Variants in PBX1 observed in about 807,000 individuals in gnomAD.
PBX1 encodes the protein pre-B-cell leukemia transcription factor 1.
A neutral mutation model predicts 53.4 loss-of-function variants in PBX1; 6 were observed. The ratio of observed to expected loss-of-function variants is 0.11; its 90% CI spans 0.06 to 0.22. The LOEUF (loss-of-function observed/expected upper bound fraction) is 0.22, where lower values mean the gene tolerates loss of function less well. Ranked by LOEUF, PBX1 falls within the 10% of genes least tolerant of loss-of-function variation. The pLI is 1.00. For synonymous variants in PBX1, 204 were observed against 212.3 expected (o/e 0.96, Z 0.34); for missense variants, 251 against 551.4 (o/e 0.46, Z 5.46).
At chr1:164,617,299 C>CA (rs1431282587) in intron 2 of PBX1, among the ~76,000 whole-genome samples, 1 of 152,204 alleles carries the variant, frequency 6.6e-6, no homozygotes, top group Non-Finnish European at 1.5e-5. Flanking sequence ...AGCTGCCTCA[C>CA]AAATGCATGT....
intron 2 of PBX1, among the ~76,000 whole-genome samples, chr1:164,783,122 G>A (rs114681448): frequency 0.012 from 1,791 of 152,296 alleles, 24 homozygotes; most frequent in South Asian, 0.037. Context: ...AGCTCTGCCA[G>A]GCCAGGAGGA....
At chr1:164,671,977 A>T (rs968907409) in intron 2 of PBX1, among the ~76,000 whole-genome samples, 3 of 151,768 alleles carry the variant, frequency 2.0e-5, no homozygotes, top group Admixed American at 2.0e-4. Context: ...CTTCATTATT[A>T]ATTTGTTTCT....
chr1:164,626,812 G>C (rs1658079099), intron 2 of PBX1, among the ~76,000 whole-genome samples: 1 of 152,078 alleles, frequency 6.6e-6, no homozygotes, highest in Admixed American at 6.6e-5. Context: ...CTCACTCCCT[G>C]CTCCCCATCA....
intron 2 of PBX1, among the ~76,000 whole-genome samples, chr1:164,615,389 TGATA>T (rs1335163799): frequency 2.0e-5 from 3 of 152,170 alleles, no homozygotes; most frequent in East Asian, 1.9e-4. Flanking sequence ...TTTCTAGCAC[TGATA>T]GATATAAAAG....
intron 2 of PBX1, among the ~76,000 whole-genome samples, chr1:164,790,018 G>A (rs767590435): frequency 6.6e-6 from 1 of 151,782 alleles, no homozygotes; most frequent in African/African-American, 2.4e-5. Flanking sequence ...TGTGGATAAG[G>A]CTATTAAAAT....
intron 2 of PBX1, among the ~76,000 whole-genome samples, chr1:164,655,306 T>C (rs1371090861): frequency 4.0e-5 from 6 of 151,778 alleles, no homozygotes; most frequent in Non-Finnish European, 5.9e-5. Flanking sequence ...AGAGACGGGG[T>C]TTCTCCATGG....
At chr1:164,769,308 C>CAGA (rs896320577) in intron 2 of PBX1, 7 of 152,126 alleles carry the variant, frequency 4.6e-5, no homozygotes, top group African/African-American at 1.4e-4. Flanking sequence ...CAAAGGTGAG[C>CAGA]AGAAGACACA....
intron 2 of PBX1, among the ~76,000 whole-genome samples, chr1:164,569,136 T>C (rs1016656947): frequency 6.6e-6 from 1 of 152,194 alleles, no homozygotes; most frequent in Non-Finnish European, 1.5e-5. Flanking sequence ...TATAAGACCA[T>C]AGAAAAGTTG....
At chr1:164,690,494 G>A (rs777264520) in intron 2 of PBX1, among the ~76,000 whole-genome samples, 12 of 152,142 alleles carry the variant, frequency 7.9e-5, no homozygotes, top group Admixed American at 2.0e-4. Flanking sequence ...CATTGTTCGG[G>A]CGCAGTGGCT....
chr1:164,606,133 A>G (rs2101814174), intron 2 of PBX1, among the ~76,000 whole-genome samples: 1 of 152,296 alleles, frequency 6.6e-6, no homozygotes. Flanking sequence ...TCATTATTCA[A>G]GAGTTGTAAT....
At chr1:164,764,072 A>C (rs985229306) in intron 2 of PBX1, among the ~76,000 whole-genome samples, 4 of 152,168 alleles carry the variant, frequency 2.6e-5, no homozygotes, top group Admixed American at 6.5e-5. Flanking sequence ...TTACTGTCAA[A>C]ACATTATTTC....
rs775668251 is a variant in PBX1 at position 164,821,639 on chromosome 1, G to GC, written c.1200+20dup. On this transcript the variant is annotated intron_variant, in intron 8 of 8. Coordinates refer to ENST00000420696, the MANE Select transcript of PBX1 (RefSeq NM_002585.4). ...GCAGGGCATCAGTGTAAGAAAACAA[G>GC]CCCCCCCACCCCCTGCTTTGTTTTT... 42 of 1,600,296 alleles carry GC rather than the reference G, an allele frequency of 2.6e-5. No homozygotes were observed. In the East Asian group the frequency reaches 3.1e-4, roughly 12 times the overall value.
At chr1:164,680,238 GA>G (rs1241368246) in intron 2 of PBX1, 2 of 152,138 alleles carry the variant, frequency 1.3e-5, no homozygotes. Context: ...TTATATTCTA[GA>G]GGTTTATAAA....
chr1:164,833,788 A>G (rs1484564443), intron 8 of PBX1, among the ~76,000 whole-genome samples: 3 of 151,558 alleles, frequency 2.0e-5, no homozygotes, highest in Non-Finnish European at 2.9e-5. Flanking sequence ...CAACCGGTCT[A>G]TTCTGACTGG....
intron 2 of PBX1, among the ~76,000 whole-genome samples, chr1:164,632,628 G>A (rs1175605396): frequency 6.6e-6 from 1 of 152,180 alleles, no homozygotes; most frequent in African/African-American, 2.4e-5. Context: ...TGCAAACTAT[G>A]TGTTTGGGGT....
intron 2 of PBX1, among the ~76,000 whole-genome samples, chr1:164,619,903 G>A (rs183797322): frequency 1.8e-4 from 28 of 152,334 alleles, no homozygotes; most frequent in African/African-American, 5.5e-4. Flanking sequence ...GCCAGGCGCC[G>A]TGGCCCATGC....
chr1:164,616,045 T>C (rs569022562), intron 2 of PBX1, among the ~76,000 whole-genome samples: 1 of 152,106 alleles, frequency 6.6e-6, no homozygotes, highest in Non-Finnish European at 1.5e-5. Flanking sequence ...ATTCAGGATA[T>C]GTCTATGTGA....
intron 2 of PBX1, among the ~76,000 whole-genome samples, chr1:164,578,432 G>A (rs1010915611): frequency 2.0e-5 from 3 of 152,114 alleles, no homozygotes; most frequent in African/African-American, 7.2e-5. Flanking sequence ...TTTTGTTTTA[G>A]ACCTCCTGGA....
At chr1:164,591,518 T>G (rs1655380215) in intron 2 of PBX1, among the ~76,000 whole-genome samples, 1 of 151,104 alleles carries the variant, frequency 6.6e-6, no homozygotes, top group Non-Finnish European at 1.5e-5. Context: ...TTACCCTGCT[T>G]AAGAGAGTAA....
Sources: gnomAD v4.1 joint callset for allele counts (sites outside exome capture counted in the v4.1 genomes callset) on GRCh38, gnomAD v4.1.1 for gene constraint, MANE v1.5 for transcripts, NCBI Gene and HGNC (gene_info 2026-07-23, HGNC 2026-07-21) for gene names.